Variants in SGCD observed in about 807,000 individuals in gnomAD.
SGCD encodes sarcoglycan delta, also known as delta-sarcoglycan.
In SGCD, 18 loss-of-function variants were observed where a neutral mutation model predicts 36.6. The observed-to-expected ratio is 0.49, with a 90% CI of 0.34 to 0.73. The LOEUF is 0.73. SGCD is among the 30% of genes least tolerant of loss of function. SGCD has a pLI of 0.01. For missense variants in SGCD, 387 were observed against 346.7 expected, an observed-to-expected ratio of 1.12 and a Z score of -0.92; for synonymous variants, 133 against 130.6, an observed-to-expected ratio of 1.02 and a Z score of -0.12.
chr5:156,075,991 CT>C (rs1760774184), intron 1 of SGCD, among the ~76,000 whole-genome samples: 1 of 152,064 alleles, frequency 6.6e-6, no homozygotes, highest in Admixed American at 6.6e-5. Flanking sequence ...AAACCTGGAA[CT>C]TTTTCCAGGT....
At chr5:156,627,374 C>T (rs1046207780) in intron 6 of SGCD, among the ~76,000 whole-genome samples, 5 of 152,050 alleles carry the variant, frequency 3.3e-5, no homozygotes, top group African/African-American at 1.2e-4. Context: ...ACTTAACAGA[C>T]CTAGGTAGAC....
chr5:155,915,720 C>A (rs1055117950), intron 1 of SGCD, among the ~76,000 whole-genome samples: 12 of 152,056 alleles, frequency 7.9e-5, no homozygotes, highest in Admixed American at 7.2e-4. Flanking sequence ...TTACTCATTA[C>A]CGAAGAAGTT....
intron 3 of SGCD, among the ~76,000 whole-genome samples, chr5:156,244,197 C>G (rs374678087): frequency 2.6e-5 from 4 of 152,112 alleles, no homozygotes; most frequent in South Asian, 4.2e-4. Context: ...CTAATCAAGA[C>G]AAAACATCGG....
chr5:155,972,962 G>A (rs1355282483), intron 1 of SGCD, among the ~76,000 whole-genome samples: 1 of 152,042 alleles, frequency 6.6e-6, no homozygotes, highest in Non-Finnish European at 1.5e-5. Context: ...TGTCACATAT[G>A]TCGTTAATCT....
chr5:156,625,003 A>G (rs1257145501), intron 6 of SGCD, among the ~76,000 whole-genome samples: 2 of 152,232 alleles, frequency 1.3e-5, no homozygotes, highest in African/African-American at 4.8e-5. Flanking sequence ...AAAGGTACTC[A>G]GGATATGGGT....
At chr5:156,273,309 A>G (rs765446127) in intron 3 of SGCD, among the ~76,000 whole-genome samples, 6 of 152,288 alleles carry the variant, frequency 3.9e-5, no homozygotes, top group Non-Finnish European at 8.8e-5. Context: ...GTCTTTTTTC[A>G]TATAAAGAAG....
intron 3 of SGCD, among the ~76,000 whole-genome samples, chr5:156,143,125 T>A (rs1212781355): frequency 6.6e-6 from 1 of 152,210 alleles, no homozygotes; most frequent in Non-Finnish European, 1.5e-5. Context: ...GCCTCCCAGA[T>A]CCTCCTACTC....
At chr5:156,212,611 A>C (rs1402788075) in intron 3 of SGCD, among the ~76,000 whole-genome samples, 1 of 152,128 alleles carries the variant, frequency 6.6e-6, no homozygotes, top group Non-Finnish European at 1.5e-5. Flanking sequence ...GTCAACAAGG[A>C]AACATCAGAT....
At chr5:156,420,168 G>A (rs984130675) in intron 3 of SGCD, among the ~76,000 whole-genome samples, 2 of 152,176 alleles carry the variant, frequency 1.3e-5, no homozygotes, top group Admixed American at 6.5e-5. Flanking sequence ...CATAACACCT[G>A]AGTCTTCCCT....
rs1222050512 is a variant in SGCD, at chr5:156,294,267, A to G, written c.-43-35267A>G. On this transcript the variant is annotated intron_variant, in intron 3 of 9. Transcript: ENST00000517913. ...TTAGGGTTTTCTACATATAAATTATATTTGTGAACAGAGATAATTTTATTT... is the reference window on the plus strand; with the variant it reads ...TTAGGGTTTTCTACATATAAATTATGTTTGTGAACAGAGATAATTTTATTT... 2.0e-5 allele frequency among the ~76,000 whole-genome samples: 3 copies of G among 152,202 alleles called. No individual in the cohort carries two copies. In the East Asian group the frequency reaches 5.8e-4, roughly 29 times the overall value.
At chr5:156,174,126 T>A (rs1456079556) in intron 3 of SGCD, among the ~76,000 whole-genome samples, 1 of 152,218 alleles carries the variant, frequency 6.6e-6, no homozygotes, top group African/African-American at 2.4e-5. Context: ...ATTCATGGTA[T>A]AGCAGTGAAC....
intron 7 of SGCD, among the ~76,000 whole-genome samples, chr5:156,724,247 C>A (rs1755657690): frequency 6.6e-6 from 1 of 152,138 alleles, no homozygotes; most frequent in South Asian, 2.1e-4. Flanking sequence ...ATATGATGTT[C>A]ACATAGGACA....
intron 1 of SGCD, among the ~76,000 whole-genome samples, chr5:156,071,972 C>T (rs1295464874): frequency 4.0e-5 from 6 of 151,588 alleles, no homozygotes; most frequent in African/African-American, 1.5e-4. Flanking sequence ...TTTTTGTTTT[C>T]CATTTGCTTG....
intron 1 of SGCD, among the ~76,000 whole-genome samples, chr5:156,039,000 T>A (rs1759569717): frequency 6.6e-6 from 1 of 152,104 alleles, no homozygotes; most frequent in African/African-American, 2.4e-5. Flanking sequence ...TCAGACATCC[T>A]CATCTTCCCC....
intron 3 of SGCD, among the ~76,000 whole-genome samples, chr5:156,466,925 C>T (rs1448288158): frequency 6.6e-6 from 1 of 152,022 alleles, no homozygotes; most frequent in Non-Finnish European, 1.5e-5. Flanking sequence ...CTAGGACCCA[C>T]AAAAGCCACA....
chr5:155,766,326 A>G, the SGCD span, among the ~76,000 whole-genome samples: 1 of 152,176 alleles, frequency 6.6e-6, no homozygotes, highest in Non-Finnish European at 1.5e-5. Flanking sequence ...AGCAAAGAAG[A>G]AAGCTGAAGC....
intron 1 of SGCD, among the ~76,000 whole-genome samples, chr5:156,010,499 C>G (rs924010961): frequency 3.3e-5 from 5 of 152,226 alleles, no homozygotes; most frequent in African/African-American, 4.8e-5. Context: ...AAATGCAGGA[C>G]TGCAATAGTT....
At chr5:155,884,506 C>T (rs1031141268) in intron 1 of SGCD, among the ~76,000 whole-genome samples, 7 of 152,178 alleles carry the variant, frequency 4.6e-5, no homozygotes, top group South Asian at 4.1e-4. Flanking sequence ...CTACATAGAG[C>T]TGCTGTAATT....
intron 4 of SGCD, among the ~76,000 whole-genome samples, chr5:156,516,008 C>T (rs191478877): frequency 2.6e-5 from 4 of 152,334 alleles, no homozygotes; most frequent in African/African-American, 7.2e-5. Context: ...GTTTACAGAC[C>T]GAACTCTAAT....
Sources: allele counts gnomAD v4.1 joint callset (sites outside exome capture counted in the v4.1 genomes callset), GRCh38; gene constraint gnomAD v4.1.1; transcripts MANE v1.5; gene names NCBI Gene and HGNC (gene_info 2026-07-23, HGNC 2026-07-21).